Variants in MATCAP2 observed in about 807,000 individuals in gnomAD.
MATCAP2 encodes the protein putative tyrosine carboxypeptidase MATCAP2.
At chr7:36,379,622 A>G in the MATCAP2 span, among the ~76,000 whole-genome samples, 1 of 152,058 alleles carries the variant, frequency 6.6e-6, no homozygotes, top group Non-Finnish European at 1.5e-5. Context: ...GTGAATATGT[A>G]CAGTCGTGTG....
chr7:36,332,483 TC>T, the MATCAP2 span, among the ~76,000 whole-genome samples: 116 of 152,310 alleles, frequency 7.6e-4, 1 homozygote, highest in Middle Eastern at 3.4e-3. Context: ...TCCTTCTCTT[TC>T]CTGCTTCCTA....
At chr7:36,366,928 T>A in the MATCAP2 span, 5 of 1,435,830 alleles carry the variant, frequency 3.5e-6, no homozygotes, top group Non-Finnish European at 4.5e-6. Context: ...GTCACGCGAA[T>A]GGACTCCAGC....
the MATCAP2 span, chr7:36,337,875 G>A: frequency 6.6e-6 from 1 of 152,102 alleles, no homozygotes; most frequent in African/African-American, 2.4e-5. Flanking sequence ...CATGGTGTCT[G>A]TGACATAATA....
chr7:36,365,628 G>A, the MATCAP2 span, among the ~76,000 whole-genome samples: 74,231 of 151,990 alleles, frequency 0.49, 18,450 homozygotes, highest in Non-Finnish European at 0.52. Context: ...GAACCTGGGA[G>A]GTGGAGATTG....
chr7:36,385,814 A>G, the MATCAP2 span, among the ~76,000 whole-genome samples: 2 of 147,580 alleles, frequency 1.4e-5, no homozygotes, highest in Non-Finnish European at 3.0e-5. Flanking sequence ...AAATAAAATA[A>G]AATAAAATAA....
the MATCAP2 span, among the ~76,000 whole-genome samples, chr7:36,386,389 T>TA: frequency 1.3e-5 from 2 of 151,906 alleles, no homozygotes; most frequent in East Asian, 3.9e-4. Context: ...TCTTAAGGCA[T>TA]AAAAAACACA....
the MATCAP2 span, among the ~76,000 whole-genome samples, chr7:36,360,607 G>T: frequency 1.3e-5 from 2 of 152,126 alleles, no homozygotes; most frequent in Non-Finnish European, 1.5e-5. Flanking sequence ...ACTCATACAA[G>T]ATGGATATAA....
At chr7:36,343,882 C>A in the MATCAP2 span, among the ~76,000 whole-genome samples, 1 of 151,822 alleles carries the variant, frequency 6.6e-6, no homozygotes, top group Non-Finnish European at 1.5e-5. Context: ...GAGAAATACT[C>A]AAAATTAAGG....
chr7:36,350,396 G>A, the MATCAP2 span, among the ~76,000 whole-genome samples: 2 of 152,094 alleles, frequency 1.3e-5, no homozygotes, highest in African/African-American at 4.8e-5. Flanking sequence ...TTAAGTCTTT[G>A]CCATACTAAT....
At chr7:36,377,315 G>T in the MATCAP2 span, among the ~76,000 whole-genome samples, 1 of 152,136 alleles carries the variant, frequency 6.6e-6, no homozygotes, top group African/African-American at 2.4e-5. Context: ...AAATTTCTCA[G>T]CATTTGTTTG....
At chr7:36,358,123 G>A in the MATCAP2 span, among the ~76,000 whole-genome samples, 5 of 151,860 alleles carry the variant, frequency 3.3e-5, no homozygotes, top group African/African-American at 9.7e-5. Flanking sequence ...GCCTGAATCC[G>A]GGAGGCAGAG....
the MATCAP2 span, chr7:36,326,612 A>T: frequency 1.7e-6 from 1 of 596,410 alleles, no homozygotes; most frequent in Non-Finnish European, 2.8e-6. Flanking sequence ...ATCTGTACTT[A>T]ACCTAAAAAT....
At chr7:36,373,190 T>C in the MATCAP2 span, among the ~76,000 whole-genome samples, 1 of 149,776 alleles carries the variant, frequency 6.7e-6, no homozygotes, top group African/African-American at 2.5e-5. Context: ...GATGCTGGGG[T>C]AAGTAAATCA....
the MATCAP2 span, chr7:36,335,112 T>C: frequency 6.2e-7 from 1 of 1,613,896 alleles, no homozygotes; most frequent in African/African-American, 1.3e-5. Flanking sequence ...ATAGTCAGAG[T>C]CGGACATCCA....
chr7:36,379,841 CACACACAGAGAG>C, the MATCAP2 span, among the ~76,000 whole-genome samples: 69 of 127,590 alleles, frequency 5.4e-4, no homozygotes, highest in African/African-American at 1.7e-3. Flanking sequence ...CACACACACA[CACACACAGAGAG>C]AGAGAGAGAG....
the MATCAP2 span, among the ~76,000 whole-genome samples, chr7:36,341,548 G>A: frequency 6.6e-6 from 1 of 152,280 alleles, no homozygotes; most frequent in African/African-American, 2.4e-5. Flanking sequence ...TAGGGCCTTT[G>A]GAAAGTGATT....
the MATCAP2 span, chr7:36,331,148 C>G: frequency 1.1e-6 from 1 of 878,666 alleles, no homozygotes; most frequent in African/African-American, 1.6e-5. Flanking sequence ...TCAACCCATT[C>G]CATTTACTGT....
the MATCAP2 span, among the ~76,000 whole-genome samples, chr7:36,364,576 T>C: frequency 2.0e-5 from 3 of 152,180 alleles, no homozygotes; most frequent in Non-Finnish European, 4.4e-5. Flanking sequence ...TCTATATTTG[T>C]AACGACTTTT....
the MATCAP2 span, chr7:36,390,019 C>T: frequency 6.2e-7 from 1 of 1,614,098 alleles, no homozygotes. Flanking sequence ...AGTCCGACGC[C>T]TGGGGCGATG....
Sources: gnomAD v4.1 joint callset for allele counts (sites outside exome capture counted in the v4.1 genomes callset) on GRCh38, gnomAD v4.1.1 for gene constraint, MANE v1.5 for transcripts, NCBI Gene and HGNC (gene_info 2026-07-23, HGNC 2026-07-21) for gene names.